Variants in POLA2 observed in about 807,000 individuals in gnomAD.
The protein encoded by POLA2 is DNA polymerase alpha subunit B.
POLA2 carries 47 observed loss-of-function variants against 82.8 expected under a neutral mutation model. That is an observed-to-expected ratio of 0.57 (90% CI 0.45 to 0.72). POLA2 has a LOEUF of 0.72. Ranked by LOEUF, POLA2 falls within the 30% of genes least tolerant of loss-of-function variation. The probability of loss-of-function intolerance (pLI) is 0.00; values close to 1 mark genes in which losing one functional copy is unlikely to be tolerated. For synonymous variants in POLA2, 287 were observed against 286.8 expected (o/e 1.00, Z -0.01); for missense variants, 634 against 728.1 (o/e 0.87, Z 1.49).
downstream of POLA2, among the ~76,000 whole-genome samples, chr11:65,299,151 C>T (rs1361021228): frequency 6.6e-6 from 1 of 152,214 alleles, no homozygotes; most frequent in African/African-American, 2.4e-5. Context: ...CAAGCAGGCT[C>T]TGGGGGCGTG....
downstream of POLA2, among the ~76,000 whole-genome samples, chr11:65,303,333 CTCTG>C (rs993008413): frequency 1.4e-5 from 2 of 139,960 alleles, no homozygotes; most frequent in Non-Finnish European, 3.0e-5. Flanking sequence ...CGGAGTGAGA[CTCTG>C]TCTCCAAAAA....
At chr11:65,302,810 C>T (rs183627557), downstream of POLA2, among the ~76,000 whole-genome samples, 2 of 151,916 alleles carry the variant, frequency 1.3e-5, no homozygotes, top group African/African-American at 4.8e-5. Flanking sequence ...TCGCTGCAGC[C>T]TCAACCTCCC....
intron 8 of POLA2, among the ~76,000 whole-genome samples, chr11:65,303,946 A>G (rs1475990092): frequency 6.6e-6 from 1 of 152,128 alleles, no homozygotes; most frequent in African/African-American, 2.4e-5. Context: ...CAGAGCTGCC[A>G]CTCCAGCACA....
chr11:65,303,763 C>T (rs189879373), intron 8 of POLA2, among the ~76,000 whole-genome samples: 1 of 152,288 alleles, frequency 6.6e-6, no homozygotes, highest in African/African-American at 2.4e-5. Context: ...GAAGCAGTGC[C>T]CTCCTATGAC....
chr11:65,270,620 C>A (rs964426082), intron 4 of POLA2, among the ~76,000 whole-genome samples: 1 of 152,112 alleles, frequency 6.6e-6, no homozygotes, highest in Non-Finnish European at 1.5e-5. Context: ...TCCTTAAATC[C>A]TTTTTCTCTC....
chr11:65,295,382 T>A (rs1043353846), intron 15 of POLA2, among the ~76,000 whole-genome samples, 158 bp from the exon 16 acceptor site: 2 of 152,260 alleles, frequency 1.3e-5, no homozygotes, highest in Admixed American at 6.5e-5. Context: ...CTGAGCTCCT[T>A]GTGGGTGGGT....
At chr11:65,300,160 TATTTTGGGC>T (rs2137617136), downstream of POLA2, among the ~76,000 whole-genome samples, 1 of 152,334 alleles carries the variant, frequency 6.6e-6, no homozygotes, top group Admixed American at 6.5e-5. Flanking sequence ...TAGATTTGCC[TATTTTGGGC>T]ATTTTGTATA....
chr11:65,262,295 G>GA lies in POLA2; in HGVS notation c.3_4insA (p.Ser2IlefsTer24), dbSNP rs1440694719. ...CCCGGCCCCTGGCTTGGGCGACCAT[G>GA]TCCGCATCCGCCCAGCAGCTGGCGG... On this transcript the variant is annotated frameshift_variant, in exon 1 of 18. Coordinates refer to ENST00000265465, the MANE Select transcript of POLA2 (RefSeq NM_002689.4). LOFTEE classifies it high-confidence loss of function. 1 of 1,612,744 alleles carries GA rather than the reference G, an allele frequency of 6.2e-7. No homozygotes were observed. Among genetic ancestry groups the GA allele is most frequent in the Admixed American group, 1.7e-5 (1 of 59,954 alleles).
At chr11:65,286,815 T>C in intron 10 of POLA2, among the ~76,000 whole-genome samples, 1 of 152,178 alleles carries the variant, frequency 6.6e-6, no homozygotes, top group Non-Finnish European at 1.5e-5. Flanking sequence ...CCACAGAAAC[T>C]GGCTCAGACT....
intron 1 of POLA2, among the ~76,000 whole-genome samples, chr11:65,263,260 C>T (rs974509831): frequency 1.4e-5 from 2 of 142,334 alleles, no homozygotes; most frequent in African/African-American, 5.4e-5. Context: ...TGTTTTATCA[C>T]CCAGGCTGGA....
chr11:65,269,234 G>A (rs904644354), intron 4 of POLA2, among the ~76,000 whole-genome samples: 1 of 152,194 alleles, frequency 6.6e-6, no homozygotes, highest in African/African-American at 2.4e-5. Flanking sequence ...TGTAATCCCA[G>A]CACTTTGGGA....
At chr11:65,283,336 A>G (rs1323940389) in intron 10 of POLA2, among the ~76,000 whole-genome samples, 2 of 152,112 alleles carry the variant, frequency 1.3e-5, no homozygotes, top group African/African-American at 4.8e-5. Flanking sequence ...TTAATGCCTT[A>G]ATTTTGACAA....
chr11:65,295,670 C>T, intron 16 of POLA2, 71 bp downstream of exon 16: 1 of 1,405,130 alleles, frequency 7.1e-7, no homozygotes, highest in African/African-American at 1.4e-5. Flanking sequence ...ACAAGCATGA[C>T]TGTAAGAGCC....
At chr11:65,274,830 A>C (rs1008614413) in intron 4 of POLA2, among the ~76,000 whole-genome samples, 1 of 152,112 alleles carries the variant, frequency 6.6e-6, no homozygotes, top group African/African-American at 2.4e-5. Flanking sequence ...TTGTAATCTT[A>C]ATATACAAAT....
chr11:65,287,349 A>G (rs967285949), intron 10 of POLA2, among the ~76,000 whole-genome samples: 1 of 152,186 alleles, frequency 6.6e-6, no homozygotes, highest in Non-Finnish European at 1.5e-5. Context: ...GAGCACACTC[A>G]GGTCTCAGTG....
At chr11:65,283,919 C>T (rs1949667088) in intron 10 of POLA2, among the ~76,000 whole-genome samples, 3 of 151,502 alleles carry the variant, frequency 2.0e-5, no homozygotes, top group Admixed American at 6.6e-5. Flanking sequence ...ATCACTTGAG[C>T]CCAGGAGTTT....
intron 10 of POLA2, among the ~76,000 whole-genome samples, chr11:65,285,909 T>C (rs1192783014): frequency 6.6e-6 from 1 of 152,168 alleles, no homozygotes; most frequent in Admixed American, 6.5e-5. Flanking sequence ...ACATGAAACC[T>C]GCTCTTCACC....
At chr11:65,285,960 A>G (rs889767690) in intron 10 of POLA2, among the ~76,000 whole-genome samples, 1 of 152,160 alleles carries the variant, frequency 6.6e-6, no homozygotes, top group South Asian at 2.1e-4. Context: ...ACCATGATAG[A>G]CTGAATCACA....
intron 10 of POLA2, 137 bp downstream of exon 10, chr11:65,282,658 C>G (rs1388633064): frequency 9.5e-6 from 7 of 738,738 alleles, no homozygotes; most frequent in African/African-American, 3.5e-5. Flanking sequence ...GCGCCACCAT[C>G]ATGAGTTCGT....
Sources: allele counts gnomAD v4.1 joint callset (sites outside exome capture counted in the v4.1 genomes callset), GRCh38; gene constraint gnomAD v4.1.1; transcripts MANE v1.5; gene names NCBI Gene and HGNC (gene_info 2026-07-23, HGNC 2026-07-21).